The following MACROH2A2 variants were observed in gnomAD, a reference collection of about 807,000 sequenced individuals.
MACROH2A2 encodes core histone macro-H2A.2.
In MACROH2A2, 6 loss-of-function variants were observed where a neutral mutation model predicts 37.6. The observed-to-expected ratio is 0.16, with a 90% confidence interval of 0.09 to 0.32. The LOEUF (loss-of-function observed/expected upper bound fraction) is 0.32, where lower values mean the gene tolerates loss of function less well. Among genes scored for constraint, MACROH2A2 ranks in the 10% least tolerant of loss-of-function variants. MACROH2A2 has a pLI of 1.00. For missense variants in MACROH2A2, 290 were observed against 485.9 expected, an observed-to-expected ratio of 0.60 and a Z score of 3.79; for synonymous variants, 192 against 202.7, an observed-to-expected ratio of 0.95 and a Z score of 0.45.
chr10:70,105,973 C>T (rs1330236935), intron 7 of MACROH2A2, among the ~76,000 whole-genome samples: 1 of 152,088 alleles, frequency 6.6e-6, no homozygotes, highest in African/African-American at 2.4e-5. Context: ...GGAGGTGGGG[C>T]TGCAGCAGAG....
intron 7 of MACROH2A2, among the ~76,000 whole-genome samples, chr10:70,101,199 CAAACAAAG>C (rs1279731224): frequency 1.3e-5 from 2 of 152,184 alleles, no homozygotes; most frequent in Non-Finnish European, 2.9e-5. Context: ...TATTGGTGAT[CAAACAAAG>C]AAACAGGTGA....
At chr10:70,081,391 G>A (rs1490100051) in intron 2 of MACROH2A2, among the ~76,000 whole-genome samples, 1 of 152,130 alleles carries the variant, frequency 6.6e-6, no homozygotes, top group Non-Finnish European at 1.5e-5. Context: ...CAGTGGAAGT[G>A]AGGGAGGTCA....
chr10:70,083,278 T>C (rs1259274632), intron 2 of MACROH2A2, among the ~76,000 whole-genome samples: 1 of 152,140 alleles, frequency 6.6e-6, no homozygotes, highest in Non-Finnish European at 1.5e-5. Flanking sequence ...CCAGATACCT[T>C]CTTCCCACAC....
intron 7 of MACROH2A2, among the ~76,000 whole-genome samples, chr10:70,108,158 A>C (rs747362923): frequency 1.5e-4 from 23 of 152,288 alleles, no homozygotes; most frequent in Admixed American, 3.9e-4. Flanking sequence ...CAGCGAGCTG[A>C]GATCGCACCA....
chr10:70,109,109 A>C lies in MACROH2A2; in HGVS notation c.855A>C (p.Lys285Asn), dbSNP rs966254132. 1 of 1,614,158 alleles carries C rather than the reference A, an allele frequency of 6.2e-7. No homozygotes were observed. The highest frequency in any genetic ancestry group is 8.5e-7 in the Non-Finnish European group (1 of 1,179,966). The change falls in exon 8 of 9, where the codon AAA becomes AAC. Residue 285 changes from lysine (K) to asparagine (N), a missense_variant. Transcript: ENST00000373255. ...HCHIPQWGSDKCEEQLEETIK... is the reference protein window; with the variant it reads ...HCHIPQWGSDNCEEQLEETIK... ...ACATCCCTCAGTGGGGCTCCGACAA[A>C]TGTGAAGAACAGCTTGAAGAGACCA... is the stretch of plus-strand genomic sequence containing the variant.
At position 70,075,053 on chromosome 10, in the gene MACROH2A2, A is replaced by G. The variant is rs1304713349; in HGVS notation, c.-59-547A>G. ...AATTAGCCTTACTGGGCTAAAGTCA[A>G]GGTATCAGCAGGACTAATTCCTTCT... On this transcript the variant is annotated intron_variant, in intron 1 of 8. Transcript: ENST00000373255. This position sits in a 1 kb window ranked among gnomAD's most constrained non-coding sequence, Gnocchi z 5.0. Among the ~76,000 whole-genome samples, 1 of 152,216 alleles carries G rather than the reference A, an allele frequency of 6.6e-6. No homozygotes were observed. Among genetic ancestry groups the G allele is most frequent in the East Asian group, 1.9e-4 (1 of 5,196 alleles).
Position 70,095,689 on chromosome 10 carries a change from C to A in MACROH2A2, c.624C>A (p.Gly208=). ...CCCAGAGTGACATCAGCCATATTGG[C>A]TCCATGAGAGTGGAGGGCATTGTCC... ...SLTQSDISHI[G]SMRVEGIVHP... Residue 208 remains glycine (G), a synonymous_variant, in exon 6 of 9, where the codon GGC becomes GGA. Coordinates refer to ENST00000373255, the MANE Select transcript of MACROH2A2 (RefSeq NM_018649.3). 2 of 1,596,376 alleles carry A rather than the reference C, an allele frequency of 1.3e-6. No individual in the cohort carries two copies. The highest frequency in any genetic ancestry group is 1.7e-6 in the Non-Finnish European group (2 of 1,163,778).
rs199951258 is a variant in MACROH2A2, at chr10:70,100,704, C to A, written c.778+407C>A. On this transcript the variant is annotated intron_variant, in intron 7 of 8. Coordinates refer to ENST00000373255, the MANE Select transcript of MACROH2A2 (RefSeq NM_018649.3). The stretch of plus-strand genomic sequence containing the variant: ...TGATCTCAGCTCACTGCAACCTCTG[C>A]CTCCCAAGTTCAAACGATTCTTGTG... 2.7e-5 allele frequency among the ~76,000 whole-genome samples: 4 copies of A among 150,126 alleles called. No individual in the cohort carries two copies. In the East Asian group the frequency reaches 7.9e-4, roughly 30 times the overall value.
intron 7 of MACROH2A2, among the ~76,000 whole-genome samples, chr10:70,105,974 T>C (rs941364799): frequency 1.3e-5 from 2 of 152,054 alleles, no homozygotes; most frequent in African/African-American, 4.8e-5. Flanking sequence ...GAGGTGGGGC[T>C]GCAGCAGAGA....
At position 70,053,344 on chromosome 10, in the gene MACROH2A2, A is replaced by T. The variant is rs1285946082; in HGVS notation, c.-60+344A>T. On this transcript the variant is annotated intron_variant, in intron 1 of 8. Transcript: ENST00000373255. The surrounding 1 kb of genome is among the most constrained non-coding windows in gnomAD (Gnocchi z 4.8). Reference sequence around the variant, plus strand: ...GCGAGGCTGGACCCGGAGGAAGCGGAGGTCTCCTGGGAATGCGGAGTTTCG... The same window carrying T: ...GCGAGGCTGGACCCGGAGGAAGCGGTGGTCTCCTGGGAATGCGGAGTTTCG... Among the ~76,000 whole-genome samples, 6 of 151,328 alleles carry T rather than the reference A, an allele frequency of 4.0e-5. No individual in the cohort carries two copies. The East Asian group carries it at 1.2e-3, about 30-fold the overall frequency.
At chr10:70,071,680 C>T (rs1269002323) in intron 1 of MACROH2A2, among the ~76,000 whole-genome samples, 2 of 152,238 alleles carry the variant, frequency 1.3e-5, no homozygotes, top group African/African-American at 4.8e-5. Context: ...GGCTATAATC[C>T]TATGATCTGT....
At chr10:70,109,252 G>A in intron 8 of MACROH2A2, 45 bp downstream of exon 8, 3 of 1,522,264 alleles carry the variant, frequency 2.0e-6, no homozygotes, top group Non-Finnish European at 2.7e-6. Context: ...CTTTTTCCCT[G>A]GAAATCAGCT....
chr10:70,104,943 C>G (rs981106760), intron 7 of MACROH2A2, among the ~76,000 whole-genome samples: 1 of 152,150 alleles, frequency 6.6e-6, no homozygotes, highest in Non-Finnish European at 1.5e-5. Flanking sequence ...TAAAACAGAC[C>G]AACTGCAGTG....
intron 1 of MACROH2A2, among the ~76,000 whole-genome samples, chr10:70,056,936 T>G (rs2072021806): frequency 6.6e-6 from 1 of 152,168 alleles, no homozygotes; most frequent in Admixed American, 6.5e-5. Flanking sequence ...AATATAGTAT[T>G]GGAAGATCAT....
At chr10:70,082,075 A>G (rs2072180352) in intron 2 of MACROH2A2, among the ~76,000 whole-genome samples, 1 of 152,236 alleles carries the variant, frequency 6.6e-6, no homozygotes, top group South Asian at 2.1e-4. Context: ...ACATAGAATT[A>G]CCAATACAAC....
At chr10:70,068,122 TG>T (rs141902279) in intron 1 of MACROH2A2, among the ~76,000 whole-genome samples, 9,976 of 152,108 alleles carry the variant, frequency 0.066, 387 homozygotes, top group African/African-American at 0.1. Context: ...TTTTTTACTA[TG>T]TGCAAATATT....
At position 70,093,749 on chromosome 10, in the gene MACROH2A2, C is replaced by T; in HGVS notation, c.492C>T (p.Asp164=). ...PRTSKKSKPK[D]SDKEGTSNST... is the part of the protein sequence containing the mutation. ...TTTACCGACAGTCCAAACCAAAGGA[C>T]AGCGATAAAGAAGGAACTTCAAATT... The change falls in exon 5 of 9, where the codon GAC becomes GAT. Residue 164 remains aspartate (D), a synonymous_variant. Coordinates refer to ENST00000373255, the MANE Select transcript of MACROH2A2 (RefSeq NM_018649.3). 2.5e-6 allele frequency: 4 copies of T among 1,603,130 alleles called. No homozygotes were observed. Among genetic ancestry groups the T allele is most frequent in the Non-Finnish European group, 3.4e-6 (4 of 1,169,988 alleles).
intron 1 of MACROH2A2, among the ~76,000 whole-genome samples, chr10:70,070,637 A>G (rs1589832246): frequency 6.6e-6 from 1 of 151,924 alleles, no homozygotes; most frequent in South Asian, 2.1e-4. Flanking sequence ...AATTACAGGC[A>G]CCCGCCACCA....
chr10:70,104,450 G>A (rs2072324970), intron 7 of MACROH2A2, among the ~76,000 whole-genome samples: 1 of 152,032 alleles, frequency 6.6e-6, no homozygotes, highest in African/African-American at 2.4e-5. Context: ...GCAGAGGCGG[G>A]TGGCTCACCT....
Sources: allele counts gnomAD v4.1 joint callset (sites outside exome capture counted in the v4.1 genomes callset), GRCh38; gene constraint gnomAD v4.1.1; non-coding constraint Gnocchi (gnomAD v3.1); transcripts MANE v1.5; gene names NCBI Gene and HGNC (gene_info 2026-07-23, HGNC 2026-07-21).